The following MYO1E variants were observed in gnomAD, a reference collection of about 807,000 sequenced individuals.
The protein encoded by MYO1E is myosin IE, also known as unconventional myosin-Ie.
Under a neutral mutation model 151.1 loss-of-function variants are expected in MYO1E, and 68 were observed. The ratio of observed to expected loss-of-function variants is 0.45; its 90% CI spans 0.37 to 0.55. The LOEUF (loss-of-function observed/expected upper bound fraction) is 0.55, where lower values mean the gene tolerates loss of function less well. MYO1E is among the 20% of genes least tolerant of loss of function. The pLI is 0.00. For missense variants in MYO1E, 1,363 were observed against 1,389.3 expected (o/e 0.98, Z 0.30); for synonymous variants, 601 against 501.7 (o/e 1.20, Z -2.64).
intron 1 of MYO1E, among the ~76,000 whole-genome samples, chr15:59,280,376 G>C (rs2080346072): frequency 6.6e-6 from 1 of 152,120 alleles, no homozygotes; most frequent in African/African-American, 2.4e-5. Context: ...TGTAATCCCA[G>C]CACTTTGGGA....
intron 15 of MYO1E, among the ~76,000 whole-genome samples, chr15:59,202,992 T>C (rs977247906): frequency 6.6e-6 from 1 of 152,262 alleles, no homozygotes; most frequent in African/African-American, 2.4e-5. Flanking sequence ...GAGGTGCTCC[T>C]GCCTCAGCCT....
At chr15:59,173,017 G>A (rs2079604741) in intron 21 of MYO1E, among the ~76,000 whole-genome samples, 1 of 152,182 alleles carries the variant, frequency 6.6e-6, no homozygotes, top group South Asian at 2.1e-4. Context: ...CTCTTAACGG[G>A]TCCATGAGCT....
At chr15:59,210,900 ACT>A (rs2079874824) in intron 12 of MYO1E, among the ~76,000 whole-genome samples, 1 of 152,086 alleles carries the variant, frequency 6.6e-6, no homozygotes. Context: ...AAATCACAAA[ACT>A]CTTAAAATTT....
At chr15:59,365,924 G>A (rs924757205) in intron 1 of MYO1E, among the ~76,000 whole-genome samples, 1 of 152,104 alleles carries the variant, frequency 6.6e-6, no homozygotes, top group Non-Finnish European at 1.5e-5. Context: ...GATCACACTG[G>A]GCACTAAGGA....
At chr15:59,157,795 G>C (rs777347991) in intron 25 of MYO1E, among the ~76,000 whole-genome samples, 5 of 152,220 alleles carry the variant, frequency 3.3e-5, no homozygotes, top group Non-Finnish European at 7.3e-5. Context: ...ACTCAAACTG[G>C]AAAAGTATAG....
chr15:59,290,399 T>C (rs1221706335), intron 1 of MYO1E, among the ~76,000 whole-genome samples: 1 of 152,202 alleles, frequency 6.6e-6, no homozygotes, highest in Non-Finnish European at 1.5e-5. Flanking sequence ...ACATTTTGGG[T>C]ACCTTGAATG....
At chr15:59,316,766 G>C (rs1318185971) in intron 1 of MYO1E, among the ~76,000 whole-genome samples, 1 of 152,168 alleles carries the variant, frequency 6.6e-6, no homozygotes, top group African/African-American at 2.4e-5. Context: ...GGATCCGTTA[G>C]CAAGTCTTTC....
chr15:59,266,348 GATACCAAA>G (rs1180857420), intron 2 of MYO1E, among the ~76,000 whole-genome samples: 1 of 152,090 alleles, frequency 6.6e-6, no homozygotes, highest in East Asian at 1.9e-4. Context: ...ATGAAGCTAT[GATACCAAA>G]AAACAGAAGG....
chr15:59,203,115 T>C (rs2079812143), intron 15 of MYO1E, among the ~76,000 whole-genome samples: 1 of 152,326 alleles, frequency 6.6e-6, no homozygotes, highest in Non-Finnish European at 1.5e-5. Context: ...CTGGATTCAG[T>C]GCAGATGCTG....
intron 26 of MYO1E, among the ~76,000 whole-genome samples, chr15:59,150,897 G>C (rs142846515): frequency 6.6e-6 from 1 of 152,180 alleles, no homozygotes; most frequent in East Asian, 1.9e-4. Context: ...GCACACTAGA[G>C]TTTGAGAACT....
chr15:59,154,933 G>A (rs1158487543), intron 25 of MYO1E, among the ~76,000 whole-genome samples: 2 of 152,210 alleles, frequency 1.3e-5, no homozygotes, highest in African/African-American at 4.8e-5. Context: ...CATGTCTCTA[G>A]CAATTTCCTC....
intron 1 of MYO1E, among the ~76,000 whole-genome samples, chr15:59,369,930 T>C (rs1176255746): frequency 6.6e-6 from 1 of 151,974 alleles, no homozygotes; most frequent in African/African-American, 2.4e-5. Flanking sequence ...ACGGTATAGG[T>C]GTTCTCCCTA....
chr15:59,167,670 T>C (rs2079569996), intron 22 of MYO1E, among the ~76,000 whole-genome samples: 1 of 152,184 alleles, frequency 6.6e-6, no homozygotes, highest in Admixed American at 6.5e-5. Context: ...TGTTTCACTT[T>C]AATTTTTATT....
intron 1 of MYO1E, among the ~76,000 whole-genome samples, chr15:59,305,924 C>G (rs1407123285): frequency 2.6e-5 from 4 of 152,138 alleles, no homozygotes; most frequent in African/African-American, 9.7e-5. Context: ...AGGCCATACC[C>G]TAAGGATGGC....
chr15:59,236,521 A>T (rs2140358058), intron 5 of MYO1E, 64 bp downstream of exon 5: 1 of 1,404,004 alleles, frequency 7.1e-7, no homozygotes, highest in East Asian at 2.3e-5. Context: ...CTTTTCTAAC[A>T]GCAAATGGAG....
chr15:59,144,380 TG>T (rs2079428534), intron 26 of MYO1E, among the ~76,000 whole-genome samples: 1 of 152,118 alleles, frequency 6.6e-6, no homozygotes, highest in Non-Finnish European at 1.5e-5. Context: ...TTGGCTAGGC[TG>T]GTGTTGAACT....
intron 1 of MYO1E, among the ~76,000 whole-genome samples, chr15:59,283,952 T>C (rs1384947909): frequency 6.6e-6 from 1 of 152,202 alleles, no homozygotes; most frequent in African/African-American, 2.4e-5. Flanking sequence ...GTATTATCCT[T>C]TTTTTTACAG....
intron 4 of MYO1E, among the ~76,000 whole-genome samples, chr15:59,248,190 T>A (rs1350117923): frequency 2.2e-5 from 3 of 137,962 alleles, no homozygotes; most frequent in African/African-American, 8.3e-5. Context: ...GTAGATAAAA[T>A]TAGCATCTAT....
At chr15:59,301,985 AC>A (rs1178134664) in intron 1 of MYO1E, among the ~76,000 whole-genome samples, 3 of 152,032 alleles carry the variant, frequency 2.0e-5, no homozygotes, top group Non-Finnish European at 4.4e-5. Context: ...CTGCCCTCAA[AC>A]CCATTTTCAA....
Sources: allele counts gnomAD v4.1 joint callset (sites outside exome capture counted in the v4.1 genomes callset), GRCh38; gene constraint gnomAD v4.1.1; transcripts MANE v1.5; gene names NCBI Gene and HGNC (gene_info 2026-07-23, HGNC 2026-07-21).